The following MSX2 variants were observed in gnomAD, a reference collection of about 807,000 sequenced individuals.
MSX2 encodes the protein homeobox protein MSX-2.
Under a neutral mutation model 18.4 loss-of-function variants are expected in MSX2, and 10 were observed. That is an observed-to-expected ratio of 0.54 (90% CI 0.34 to 0.92). MSX2 has a LOEUF of 0.92. MSX2 is among the 40% of genes least tolerant of loss of function. MSX2 has a pLI of 0.02. For synonymous variants in MSX2, 170 were observed against 165.6 expected (o/e 1.03, Z -0.20); for missense variants, 339 against 364.0 (o/e 0.93, Z 0.56).
At position 174,729,170 on chromosome 5, in the gene MSX2, C is replaced by G; in HGVS notation, c.391C>G (p.Pro131Ala). The G allele has an allele frequency of 6.2e-7, 1 of 1,613,936 alleles. No individual in the cohort carries two copies. The highest frequency in any genetic ancestry group is 2.2e-5 in the East Asian group (1 of 44,854). The part of the protein sequence containing the change: ...RYSPPPRHMS[P>A]TTCTLRKHKT... ...TCTCTGTTCTCTAGGACATATGAGC[C>G]CTACCACCTGCACCCTGAGGAAACA... Residue 131 changes from proline to alanine, a missense_variant, in exon 2 of 2, where the codon CCT becomes GCT. This residue lies in a region of MSX2 where 211 missense variants were observed against 185.4 expected (regional missense o/e 1.14). Coordinates refer to ENST00000239243, the MANE Select transcript of MSX2 (RefSeq NM_002449.5).
chr5:174,726,164 C>A (rs930048917), intron 1 of MSX2, among the ~76,000 whole-genome samples: 3 of 152,164 alleles, frequency 2.0e-5, no homozygotes, highest in Non-Finnish European at 2.9e-5. Context: ...TTACTTTTAT[C>A]TCTTGGCTTT....
In MSX2 at chr5:174,729,588, G is replaced by T. The variant is rs368747209; in HGVS notation, c.*5G>T. On this transcript the variant is annotated 3_prime_UTR_variant, in exon 2 of 2. Transcript: ENST00000239243. ...GGCATGTACCACCTGTCCTAAGGAA[G>T]ACCAGATCAATAGACTCCATGATGG... The T allele has an allele frequency of 1.2e-6, 2 of 1,608,232 alleles. No individual in the cohort carries two copies. The highest frequency in any genetic ancestry group is 1.7e-6 in the Non-Finnish European group (2 of 1,179,690).
At chr5:174,728,137 T>C (rs1760843930) in intron 1 of MSX2, among the ~76,000 whole-genome samples, 1 of 152,214 alleles carries the variant, frequency 6.6e-6, no homozygotes, top group African/African-American at 2.4e-5. Flanking sequence ...GTCTGGATGC[T>C]GTTGGCATAC....
intron 1 of MSX2, among the ~76,000 whole-genome samples, chr5:174,726,328 G>A (rs1449111251): frequency 6.6e-6 from 1 of 152,032 alleles, no homozygotes; most frequent in Non-Finnish European, 1.5e-5. Context: ...ACTGTATTTT[G>A]TTAACAAAAC....
In MSX2 at chr5:174,729,697, A is replaced by C; in HGVS notation, c.*114A>C. On this transcript the variant is annotated 3_prime_UTR_variant, in exon 2 of 2. Coordinates refer to ENST00000239243, the MANE Select transcript of MSX2 (RefSeq NM_002449.5). ...CTGCTCTGCTAACCCTGCGTGCACC[A>C]CCCTAAGCGGCTAGGCTGACAGGGC... 1 of 1,147,402 alleles carries C rather than the reference A, an allele frequency of 8.7e-7. No homozygotes were observed. Among genetic ancestry groups the C allele is most frequent in the Non-Finnish European group, 1.3e-6 (1 of 775,610 alleles). 71.1% of individuals were successfully genotyped at this position (1,147,402 alleles called of 1,614,324 possible).
intron 1 of MSX2, among the ~76,000 whole-genome samples, chr5:174,725,479 A>T (rs1336714124): frequency 6.6e-6 from 1 of 152,146 alleles, no homozygotes; most frequent in African/African-American, 2.4e-5. Context: ...GACAGGTTCA[A>T]AACTCAACCC....
chr5:174,728,399 T>C (rs1343388243), intron 1 of MSX2, among the ~76,000 whole-genome samples: 1 of 142,850 alleles, frequency 7.0e-6, no homozygotes, highest in Non-Finnish European at 1.5e-5. Context: ...TCAGATTTTA[T>C]AATCTGTGGA....
At chr5:174,729,033 G>T in intron 1 of MSX2, 126 bp from the exon 2 acceptor site, 1 of 792,598 alleles carries the variant, frequency 1.3e-6, no homozygotes, top group South Asian at 1.7e-5. Flanking sequence ...AAAGCTAAGT[G>T]CTTTCAGTTG....
Position 174,729,392 on chromosome 5 carries a change from C to T in MSX2, c.613C>T (p.Leu205=), listed in dbSNP as rs111542301. The T allele has an allele frequency of 3.1e-6, 5 of 1,614,208 alleles. No homozygotes were observed. Among genetic ancestry groups the T allele is most frequent in the African/African-American group, 1.3e-5 (1 of 75,050 alleles). The change falls in exon 2 of 2, where the codon CTG becomes TTG. Residue 205 remains leucine (L), a synonymous_variant. Transcript: ENST00000239243. ...AKAKRLQEAE[L]EKLKMAAKPM... is the part of the protein sequence containing the mutation. ...GGCGAAAAGACTGCAGGAGGCAGAA[C>T]TGGAAAAGCTGAAAATGGCTGCAAA...
chr5:174,728,892 C>G (rs368228499), intron 1 of MSX2, among the ~76,000 whole-genome samples: 13 of 152,096 alleles, frequency 8.5e-5, no homozygotes, highest in South Asian at 8.3e-4. Context: ...CCCCCTCCCC[C>G]CAAGAAACAC....
chr5:174,727,196 C>T (rs958403114), intron 1 of MSX2, among the ~76,000 whole-genome samples: 2 of 152,112 alleles, frequency 1.3e-5, no homozygotes, highest in South Asian at 2.1e-4. Flanking sequence ...GGGAGCTACC[C>T]GCCCGGGCCT....
rs1437011923 is a variant in MSX2, at chr5:174,724,972, A to C, written c.313A>C (p.Lys105Gln). 6.2e-7 allele frequency: 1 copy of C among 1,607,660 alleles called. No individual in the cohort carries two copies. The highest frequency in any genetic ancestry group is 1.1e-5 in the South Asian group (1 of 89,438). ...LVKPFETASVKSENSEDGAAW... is the reference protein window; with the variant it reads ...LVKPFETASVQSENSEDGAAW... The stretch of plus-strand genomic sequence containing the variant: ...GAAGCCCTTCGAGACCGCCTCGGTC[A>C]AGTCGGAAAATTCAGAAGATGGAGC... Residue 105 changes from lysine to glutamine, a missense_variant, in exon 1 of 2, where the codon AAG becomes CAG. This residue lies in a region of MSX2 where 211 missense variants were observed against 185.4 expected (regional missense o/e 1.14). Transcript: ENST00000239243.
Position 174,724,838 on chromosome 5 carries a change from A to G in MSX2, c.179A>G (p.Lys60Arg). Reference sequence around the variant, plus strand: ...CTCATGTCCGACAAGAAGCCGCCCAAGGAGGCGTCCCCGCTGCCGGCCGAA... The same window carrying G: ...CTCATGTCCGACAAGAAGCCGCCCAGGGAGGCGTCCCCGCTGCCGGCCGAA... ...EALMSDKKPP[K>R]EASPLPAESA... The change falls in exon 1 of 2, where the codon AAG becomes AGG. Residue 60 changes from lysine (K) to arginine (R), a missense_variant. Physicochemically the swap from Lys to Arg is conservative, Grantham distance 26. Transcript: ENST00000239243. The G allele has an allele frequency of 6.4e-7, 1 of 1,551,306 alleles. No individual in the cohort carries two copies. Among genetic ancestry groups the G allele is most frequent in the Middle Eastern group, 1.8e-4 (1 of 5,516 alleles).
rs984013616 is a variant in MSX2, at chr5:174,724,725, C to A, written c.66C>A (p.Ala22=). The A allele has an allele frequency of 6.3e-7, 1 of 1,590,574 alleles. No individual in the cohort carries two copies. The highest frequency in any genetic ancestry group is 2.3e-5 in the East Asian group (1 of 43,874). The change falls in exon 1 of 2, where the codon GCC becomes GCA. Residue 22 remains alanine (A), a synonymous_variant. Transcript: ENST00000239243. Reference sequence around the variant, plus strand: ...ACGAGGAGGGCCCAGCAGTGGTGGCCGGACCAGGCCCGGGGCCTGGGGGCG... The same window carrying A: ...ACGAGGAGGGCCCAGCAGTGGTGGCAGGACCAGGCCCGGGGCCTGGGGGCG... ...SPDEEGPAVV[A]GPGPGPGGAE... is the part of the protein sequence containing the mutation.
chr5:174,727,555 A>C (rs1040386222), intron 1 of MSX2, among the ~76,000 whole-genome samples: 3 of 152,080 alleles, frequency 2.0e-5, no homozygotes, highest in Admixed American at 6.6e-5. Context: ...AAGGGCGAGA[A>C]TTTTGCAGGT....
chr5:174,729,296 G>A lies in MSX2; in HGVS notation c.517G>A (p.Ala173Thr), dbSNP rs1444546648. Reference sequence around the variant, plus strand: ...ACAGTACCTCTCCATTGCAGAGCGTGCAGAGTTCTCCAGCTCTCTGAACCT... The same window carrying A: ...ACAGTACCTCTCCATTGCAGAGCGTACAGAGTTCTCCAGCTCTCTGAACCT... Reference protein sequence around the residue: ...QKQYLSIAERAEFSSSLNLTE... With the variant: ...QKQYLSIAERTEFSSSLNLTE... The change falls in exon 2 of 2, where the codon GCA becomes ACA. Residue 173 changes from alanine to threonine, a missense_variant. Transcript: ENST00000239243. 9 of 1,614,056 alleles carry A rather than the reference G, an allele frequency of 5.6e-6. No homozygotes were observed. The highest frequency in any genetic ancestry group is 7.6e-6 in the Non-Finnish European group (9 of 1,180,058).
Position 174,725,058 on chromosome 5 carries a change from G to A in MSX2, c.379+20G>A, listed in dbSNP as rs1262759328. 12 of 1,608,322 alleles carry A rather than the reference G, an allele frequency of 7.5e-6. No homozygotes were observed. Among genetic ancestry groups the A allele is most frequent in the Non-Finnish European group, 7.6e-6 (9 of 1,178,752 alleles). ...CGCCAAGTGAGTGCGCGCCGGGGCAGGAGTAGGAGGTAGCGCGGGGTACTG... is the reference window on the plus strand; with the variant it reads ...CGCCAAGTGAGTGCGCGCCGGGGCAAGAGTAGGAGGTAGCGCGGGGTACTG... On this transcript the variant is annotated intron_variant, in intron 1 of 1. Transcript: ENST00000239243.
rs1470329113 is a variant in MSX2 at position 174,724,705 on chromosome 5, G to A, written c.46G>A (p.Glu16Lys). Residue 16 changes from glutamate (E) to lysine (K), a missense_variant, in exon 1 of 2, where the codon GAG (glutamate) becomes AAG (lysine). Physicochemically the swap from Glu to Lys is moderately conservative, Grantham distance 56. This residue lies in a region of MSX2 where 211 missense variants were observed against 185.4 expected (regional missense o/e 1.14). Coordinates refer to ENST00000239243, the MANE Select transcript of MSX2 (RefSeq NM_002449.5). ...CAATGACTTGTTTTCGCCCGACGAG[G>A]AGGGCCCAGCAGTGGTGGCCGGACC... ...KGNDLFSPDEEGPAVVAGPGP... is the reference protein window; with the variant it reads ...KGNDLFSPDEKGPAVVAGPGP... 4 of 1,595,908 alleles carry A rather than the reference G, an allele frequency of 2.5e-6. No individual in the cohort carries two copies. Among genetic ancestry groups the A allele is most frequent in the Non-Finnish European group, 3.4e-6 (4 of 1,172,166 alleles).
At position 174,724,606 on chromosome 5, in the gene MSX2, C is replaced by G. The variant is rs1760730598; in HGVS notation, c.-54C>G. 2.6e-6 allele frequency: 4 copies of G among 1,551,416 alleles called. No individual in the cohort carries two copies. Among genetic ancestry groups the G allele is most frequent in the Admixed American group, 3.9e-5 (2 of 51,690 alleles). ...CGCAGCAAAAAAGTTTGAGTCGCCG[C>G]TGCCGGGTTGCCAGCGGAGTCGCGC... On this transcript the variant is annotated 5_prime_UTR_variant, in exon 1 of 2. Coordinates refer to ENST00000239243, the MANE Select transcript of MSX2 (RefSeq NM_002449.5).
Sources: gnomAD v4.1 joint callset for allele counts (sites outside exome capture counted in the v4.1 genomes callset) on GRCh38, gnomAD v4.1.1 for gene constraint, gnomAD v4.1.1 regional missense constraint, MANE v1.5 for transcripts, NCBI Gene and HGNC (gene_info 2026-07-23, HGNC 2026-07-21) for gene names.